Variants in GLG1 observed in about 807,000 individuals in gnomAD.
GLG1 encodes the protein Golgi apparatus protein 1.
GLG1 carries 38 observed loss-of-function variants against 160.5 expected under a neutral mutation model. The ratio of observed to expected loss-of-function variants is 0.24; its 90% CI spans 0.18 to 0.31. GLG1 has a LOEUF of 0.31. Among genes scored for constraint, GLG1 ranks in the 10% least tolerant of loss-of-function variants. The pLI is 1.00. For synonymous variants in GLG1, 644 were observed against 543.4 expected (o/e 1.19, Z -2.57); for missense variants, 1,373 against 1,505.2 (o/e 0.91, Z 1.45).
At position 74,576,114 on chromosome 16, in the gene GLG1, T is replaced by C. The variant is rs1261550802; in HGVS notation, c.438+30543A>G. On this transcript the variant is annotated intron_variant, in intron 1 of 25. Transcript: ENST00000422840. Reference sequence around the variant, plus strand: ...ACTCAGGAGGCTGAGGCAGAACTGCTTGAACCCGGGAGGTGAAGGCGGCGG... The same window carrying C: ...ACTCAGGAGGCTGAGGCAGAACTGCCTGAACCCGGGAGGTGAAGGCGGCGG... Among the ~76,000 whole-genome samples, 3 of 152,056 alleles carry C rather than the reference T, an allele frequency of 2.0e-5. No individual in the cohort carries two copies. The East Asian group carries it at 5.8e-4, about 29-fold the overall frequency.
At chr16:74,573,825 A>T (rs1399570748) in intron 1 of GLG1, among the ~76,000 whole-genome samples, 2 of 147,780 alleles carry the variant, frequency 1.4e-5, no homozygotes, top group Non-Finnish European at 1.5e-5. Flanking sequence ...ACGGGGTCTC[A>T]CTCTGTCACC....
chr16:74,512,773 A>G (rs1476852276), intron 2 of GLG1, among the ~76,000 whole-genome samples: 1 of 152,184 alleles, frequency 6.6e-6, no homozygotes, highest in East Asian at 1.9e-4. Context: ...AAGGGAATAA[A>G]CAATAAAAAT....
intron 3 of GLG1, among the ~76,000 whole-genome samples, chr16:74,504,881 G>A (rs1567488247): frequency 6.6e-6 from 1 of 152,122 alleles, no homozygotes; most frequent in Non-Finnish European, 1.5e-5. Flanking sequence ...GCCCCCAAAT[G>A]CTGAAATTCA....
chr16:74,470,321 CTTCCTTTCCTTCT>C (rs1306459782), intron 15 of GLG1, among the ~76,000 whole-genome samples: 22 of 147,678 alleles, frequency 1.5e-4, no homozygotes, highest in African/African-American at 5.3e-4. Flanking sequence ...TCCCTCCTTC[CTTCCTTTCCTTCT>C]TTCCTTCCCT....
chr16:74,600,329 G>T (rs529157926), intron 1 of GLG1, among the ~76,000 whole-genome samples: 1 of 151,628 alleles, frequency 6.6e-6, no homozygotes, highest in African/African-American at 2.4e-5. Context: ...GGAGTTTGAG[G>T]TTGCAGTGAG....
chr16:74,574,484 A>T (rs918807854), intron 1 of GLG1, among the ~76,000 whole-genome samples: 3 of 152,194 alleles, frequency 2.0e-5, no homozygotes, highest in Admixed American at 6.5e-5. Flanking sequence ...GGTGCTTATC[A>T]TCTAACTCAA....
In GLG1 at chr16:74,508,934, G is replaced by T; in HGVS notation, c.472-9C>A. On this transcript the variant is annotated splice_polypyrimidine_tract_variant and intron_variant, in intron 2 of 25. Coordinates refer to ENST00000422840, the MANE Select transcript of GLG1 (RefSeq NM_001145667.2). ...TTATAATTCCACAACAACTAGATAGGAGAGGAAAAAAAAAAACAAAGAAAA... is the reference window on the plus strand; with the variant it reads ...TTATAATTCCACAACAACTAGATAGTAGAGGAAAAAAAAAAACAAAGAAAA... 8.7e-7 allele frequency: 1 copy of T among 1,149,710 alleles called. No homozygotes were observed. The highest frequency in any genetic ancestry group is 1.3e-6 in the Non-Finnish European group (1 of 773,934). 71.2% of individuals were successfully genotyped at this position (1,149,710 alleles called of 1,614,324 possible).
Position 74,582,828 on chromosome 16 carries a change from TAAATAAAATAAAATA to T in GLG1, c.438+23814_438+23828del, listed in dbSNP as rs144626583. Among the ~76,000 whole-genome samples the T allele has an allele frequency of 2.9e-3, 427 of 147,624 alleles. 1 individual carries two copies. Among genetic ancestry groups the T allele is most frequent in the African/African-American group, 7.9e-3 (315 of 40,084 alleles). On this transcript the variant is annotated intron_variant, in intron 1 of 25. Transcript: ENST00000422840. The stretch of plus-strand genomic sequence containing the variant: ...AGAGTGAGACTCCTTCTCAAAAAAA[TAAATAAAATAAAATA>T]AAATAAAATAAAATAAAATAAAATA...
chr16:74,508,633 G>A (rs1255862789), intron 3 of GLG1, among the ~76,000 whole-genome samples: 4 of 152,074 alleles, frequency 2.6e-5, no homozygotes, highest in African/African-American at 9.7e-5. Context: ...ATTTCCAACT[G>A]CCTCAATCAA....
Position 74,566,885 on chromosome 16 carries a change from C to A in GLG1, c.439-34732G>T, listed in dbSNP as rs79275277. On this transcript the variant is annotated intron_variant, in intron 1 of 25. Coordinates refer to ENST00000422840, the MANE Select transcript of GLG1 (RefSeq NM_001145667.2). Reference sequence around the variant, plus strand: ...CCTGCAGGAAACTTTAAATAAACAACAGAAATATTTAAACATTAATTATTT... The same window carrying A: ...CCTGCAGGAAACTTTAAATAAACAAAAGAAATATTTAAACATTAATTATTT... Among the ~76,000 whole-genome samples the A allele has an allele frequency of 7.7e-3, 1,167 of 152,166 alleles. 18 individuals are homozygous for A. The highest frequency in any genetic ancestry group is 0.027 in the African/African-American group (1,122 of 41,518).
intron 15 of GLG1, among the ~76,000 whole-genome samples, chr16:74,470,527 C>G (rs2143243339): frequency 6.7e-6 from 1 of 148,838 alleles, no homozygotes; most frequent in Non-Finnish European, 1.5e-5. Context: ...CGGCTCACTG[C>G]AACCTCTGCC....
At chr16:74,507,712 G>A (rs909743139) in intron 3 of GLG1, among the ~76,000 whole-genome samples, 1 of 151,966 alleles carries the variant, frequency 6.6e-6, no homozygotes, top group African/African-American at 2.4e-5. Flanking sequence ...CTCCAGCGTG[G>A]GCGACAGAGC....
intron 2 of GLG1, among the ~76,000 whole-genome samples, chr16:74,528,587 G>A (rs2017417687): frequency 6.6e-6 from 1 of 151,712 alleles, no homozygotes; most frequent in African/African-American, 2.4e-5. Context: ...CGAGGCGGGT[G>A]GATCACCTGA....
At chr16:74,512,949 C>T (rs1474778879) in intron 2 of GLG1, among the ~76,000 whole-genome samples, 4 of 151,980 alleles carry the variant, frequency 2.6e-5, no homozygotes, top group Admixed American at 6.6e-5. Flanking sequence ...GATGAACTGA[C>T]GGAGATTGGG....
At chr16:74,524,450 C>T (rs978631779) in intron 2 of GLG1, among the ~76,000 whole-genome samples, 3 of 151,250 alleles carry the variant, frequency 2.0e-5, no homozygotes, top group East Asian at 3.9e-4. Flanking sequence ...AGGGTGGGTG[C>T]TAAAATTGGA....
chr16:74,452,777 G>A lies in GLG1; in HGVS notation c.*390C>T, dbSNP rs568702511. On this transcript the variant is annotated 3_prime_UTR_variant, in exon 26 of 26. Transcript: ENST00000422840. The stretch of plus-strand genomic sequence containing the variant: ...CCCAAATCAAGCCTGGAGGAGATGC[G>A]TTACTATATACATTTTTTTCTTTAA... 2.0e-5 allele frequency: 20 copies of A among 991,016 alleles called. No individual in the cohort carries two copies. Among genetic ancestry groups the A allele is most frequent in the African/African-American group, 1.6e-4 (9 of 57,540 alleles). The allele number at this position is 991,016 out of a possible 1,614,324, so 61.4% of individuals were successfully genotyped here. A position where few individuals can be genotyped will look rare whatever the true frequency, so the allele number is the denominator to read the frequency against.
intron 11 of GLG1, among the ~76,000 whole-genome samples, chr16:74,478,825 G>A (rs1166844529): frequency 3.4e-5 from 5 of 147,292 alleles, no homozygotes; most frequent in South Asian, 2.2e-4. Flanking sequence ...GGCAGGAGGC[G>A]GAGATTGTGG....
At chr16:74,492,790 G>C (rs1319506304) in intron 7 of GLG1, among the ~76,000 whole-genome samples, 167 bp downstream of exon 7, 1 of 149,230 alleles carries the variant, frequency 6.7e-6, no homozygotes, top group Non-Finnish European at 1.5e-5. Context: ...CTGCCCTCCA[G>C]CCTGGGCGAC....
intron 2 of GLG1, among the ~76,000 whole-genome samples, chr16:74,529,725 C>T (rs1425601474): frequency 6.6e-6 from 1 of 151,824 alleles, no homozygotes; most frequent in Non-Finnish European, 1.5e-5. Context: ...CATAGACCTT[C>T]CACCAAATCT....
Sources: allele counts gnomAD v4.1 joint callset (sites outside exome capture counted in the v4.1 genomes callset), GRCh38; gene constraint gnomAD v4.1.1; transcripts MANE v1.5; gene names NCBI Gene and HGNC (gene_info 2026-07-23, HGNC 2026-07-21).